EFCAB11: variants seen among roughly 807,000 people sequenced by gnomAD.
EFCAB11 encodes the protein EF-hand calcium-binding domain-containing protein 11.
In EFCAB11, 14 loss-of-function variants were observed where a neutral mutation model predicts 23.0. The observed-to-expected ratio is 0.61, with a 90% CI of 0.40 to 0.95. EFCAB11 has a LOEUF of 0.95. Among genes scored for constraint, EFCAB11 ranks in the 40% least tolerant of loss-of-function variants. The pLI is 0.00. For synonymous variants in EFCAB11, 65 were observed against 66.6 expected, an observed-to-expected ratio of 0.98 and a Z score of 0.11; for missense variants, 198 against 195.8, an observed-to-expected ratio of 1.01 and a Z score of -0.07.
In EFCAB11 at chr14:89,820,880, T is replaced by TTA. The variant is rs570755502; in HGVS notation, c.411-23558_411-23557dup. Among the ~76,000 whole-genome samples, 60 of 151,688 alleles carry TTA rather than the reference T, an allele frequency of 4.0e-4. No individual in the cohort carries two copies. The South Asian group carries it at 0.011, about 28-fold the overall frequency. On this transcript the variant is annotated intron_variant, in intron 5 of 5. Coordinates refer to ENST00000316738, the MANE Select transcript of EFCAB11 (RefSeq NM_145231.4). Reference sequence around the variant, plus strand: ...AAGGTAATTTTTAGATTTTTAGATATTATATATATAAAATATGTTATATGT... The same window carrying TTA: ...AAGGTAATTTTTAGATTTTTAGATATTATATATATATAAAATATGTTATATGT...
At position 89,954,670 on chromosome 14, in the gene EFCAB11, A is replaced by G; in HGVS notation, c.-10T>C. On this transcript the variant is annotated 5_prime_UTR_variant, in exon 1 of 6. Transcript: ENST00000316738. ...CCTCGGAGAAGAACATCGCGACTAC[A>G]ACAACCGAGCCCCAGCAACCCAACC... is the stretch of plus-strand genomic sequence containing the variant. The G allele has an allele frequency of 1.9e-6, 3 of 1,609,852 alleles. No homozygotes were observed. Among genetic ancestry groups the G allele is most frequent in the Non-Finnish European group, 2.5e-6 (3 of 1,179,230 alleles).
chr14:89,929,129 C>A (rs894017871), intron 5 of EFCAB11, among the ~76,000 whole-genome samples: 2 of 148,652 alleles, frequency 1.3e-5, no homozygotes, highest in Non-Finnish European at 3.0e-5. Flanking sequence ...TCACTGCAGC[C>A]TCGAACTTCT....
chr14:89,833,646 G>A (rs1373836686), intron 5 of EFCAB11, among the ~76,000 whole-genome samples: 1 of 152,128 alleles, frequency 6.6e-6, no homozygotes, highest in Non-Finnish European at 1.5e-5. Context: ...AGTAAGAGAA[G>A]CTTTACTACA....
chr14:89,881,921 C>T (rs1253298884), intron 5 of EFCAB11, among the ~76,000 whole-genome samples: 1 of 152,120 alleles, frequency 6.6e-6, no homozygotes, highest in Non-Finnish European at 1.5e-5. Flanking sequence ...TAGCATTAAA[C>T]ATAGGAGCAT....
intron 5 of EFCAB11, among the ~76,000 whole-genome samples, chr14:89,870,761 C>T (rs1365264077): frequency 1.0e-5 from 1 of 99,352 alleles, no homozygotes; most frequent in Non-Finnish European, 2.0e-5. Context: ...GACACCTCAT[C>T]TCTACTAAAA....
intron 3 of EFCAB11, among the ~76,000 whole-genome samples, chr14:89,934,675 A>G (rs914453539): frequency 1.3e-5 from 2 of 152,184 alleles, no homozygotes; most frequent in Non-Finnish European, 1.5e-5. Flanking sequence ...TGGGGAATAC[A>G]TATTGATGCA....
chr14:89,838,892 G>A (rs546989940), intron 5 of EFCAB11, among the ~76,000 whole-genome samples: 1 of 152,344 alleles, frequency 6.6e-6, no homozygotes, highest in South Asian at 2.1e-4. Context: ...GTATAGCTAA[G>A]GAAGCAGGCG....
chr14:89,916,563 G>C (rs1889851201), intron 5 of EFCAB11, among the ~76,000 whole-genome samples: 1 of 152,162 alleles, frequency 6.6e-6, no homozygotes, highest in Non-Finnish European at 1.5e-5. Flanking sequence ...AAAAGTAAGG[G>C]CCAGCAGCTG....
At chr14:89,810,926 GC>G (rs1296871064) in intron 5 of EFCAB11, among the ~76,000 whole-genome samples, 1 of 152,010 alleles carries the variant, frequency 6.6e-6, no homozygotes, top group African/African-American at 2.4e-5. Flanking sequence ...AATTCTATAA[GC>G]AAAATTAAAT....
chr14:89,808,773 C>T (rs1204222622), intron 5 of EFCAB11, among the ~76,000 whole-genome samples: 1 of 152,030 alleles, frequency 6.6e-6, no homozygotes, highest in Non-Finnish European at 1.5e-5. Context: ...AAAAGTCACA[C>T]CAAATGGAAT....
intron 5 of EFCAB11, among the ~76,000 whole-genome samples, chr14:89,839,811 G>T (rs986767543): frequency 6.7e-6 from 1 of 150,232 alleles, no homozygotes; most frequent in African/African-American, 2.5e-5. Context: ...AGGAAGGGGG[G>T]AGGTGCTTCA....
chr14:89,935,876 C>T (rs1263816436), intron 3 of EFCAB11, among the ~76,000 whole-genome samples: 1 of 152,136 alleles, frequency 6.6e-6, no homozygotes, highest in African/African-American at 2.4e-5. Context: ...GGTGTGGCGG[C>T]ATGCACCTGT....
At chr14:89,818,057 A>C (rs559521845) in intron 5 of EFCAB11, among the ~76,000 whole-genome samples, 82 of 152,292 alleles carry the variant, frequency 5.4e-4, no homozygotes, top group Non-Finnish European at 8.8e-4. Context: ...GAGTAAACCA[A>C]GATAAAAGGT....
chr14:89,918,315 G>T (rs553217932), intron 5 of EFCAB11, among the ~76,000 whole-genome samples: 8 of 152,228 alleles, frequency 5.3e-5, no homozygotes, highest in Admixed American at 5.2e-4. Flanking sequence ...AAGGCAGGTG[G>T]ATCACCTGAG....
At chr14:89,892,798 A>C (rs1018795912) in intron 5 of EFCAB11, among the ~76,000 whole-genome samples, 1 of 152,122 alleles carries the variant, frequency 6.6e-6, no homozygotes, top group African/African-American at 2.4e-5. Context: ...GTTACTCCGG[A>C]GGCTAAGGCA....
chr14:89,892,863 C>G (rs1234815603), intron 5 of EFCAB11, among the ~76,000 whole-genome samples: 1 of 152,086 alleles, frequency 6.6e-6, no homozygotes, highest in Admixed American at 6.6e-5. Context: ...GACTGTGCCA[C>G]TGCACTCCAG....
At chr14:89,913,277 T>C (rs2139771572) in intron 5 of EFCAB11, among the ~76,000 whole-genome samples, 1 of 152,322 alleles carries the variant, frequency 6.6e-6, no homozygotes, top group East Asian at 1.9e-4. Context: ...AGGGCGGACA[T>C]GATACTCCAT....
chr14:89,867,830 TGGA>T (rs374130443), intron 5 of EFCAB11, among the ~76,000 whole-genome samples: 2 of 152,208 alleles, frequency 1.3e-5, no homozygotes, highest in Non-Finnish European at 2.9e-5. Flanking sequence ...CTGGCGACTG[TGGA>T]GGACACTGGG....
intron 5 of EFCAB11, among the ~76,000 whole-genome samples, chr14:89,841,713 G>GT (rs1392601601): frequency 2.0e-5 from 3 of 151,784 alleles, no homozygotes; most frequent in Non-Finnish European, 4.4e-5. Context: ...ACTGTTTACT[G>GT]TTTTTCAGGG....
Sources: gnomAD v4.1 joint callset for allele counts (sites outside exome capture counted in the v4.1 genomes callset) on GRCh38, gnomAD v4.1.1 for gene constraint, MANE v1.5 for transcripts, NCBI Gene and HGNC (gene_info 2026-07-23, HGNC 2026-07-21) for gene names.